Variants in ATE1 observed in about 807,000 individuals in gnomAD.
The protein encoded by ATE1 is arginyltransferase 1.
In ATE1, 36 loss-of-function variants were observed where a neutral mutation model predicts 70.5. The observed-to-expected ratio is 0.51, with a 90% CI of 0.39 to 0.67. The LOEUF is 0.67. Among genes scored for constraint, ATE1 ranks in the 30% least tolerant of loss-of-function variants. The probability of loss-of-function intolerance (pLI) is 0.00; values close to 1 mark genes in which losing one functional copy is unlikely to be tolerated. For synonymous variants in ATE1, 232 were observed against 219.3 expected (o/e 1.06, Z -0.51); for missense variants, 593 against 629.5 (o/e 0.94, Z 0.62).
intron 7 of ATE1, among the ~76,000 whole-genome samples, chr10:121,878,159 G>A (rs1387174176): frequency 6.6e-6 from 1 of 152,164 alleles, no homozygotes; most frequent in African/African-American, 2.4e-5. Flanking sequence ...TAAAGGACAG[G>A]CAGAATTAAT....
At chr10:121,829,240 T>C (rs374411824) in intron 10 of ATE1, among the ~76,000 whole-genome samples, 78 of 152,072 alleles carry the variant, frequency 5.1e-4, no homozygotes, top group African/African-American at 1.7e-3. Context: ...CTGGCCAACA[T>C]AGTAAAACCC....
intron 10 of ATE1, among the ~76,000 whole-genome samples, chr10:121,795,519 C>A (rs1300732104): frequency 6.6e-6 from 1 of 152,164 alleles, no homozygotes; most frequent in Non-Finnish European, 1.5e-5. Flanking sequence ...AATGATATTT[C>A]ACTTTTTAAC....
chr10:121,766,339 G>A (rs1431527901), intron 11 of ATE1, among the ~76,000 whole-genome samples: 1 of 152,060 alleles, frequency 6.6e-6, no homozygotes, highest in Non-Finnish European at 1.5e-5. Context: ...CATAAGACAG[G>A]GGGCCTTCCA....
At chr10:121,811,536 G>T (rs1454554423) in intron 10 of ATE1, among the ~76,000 whole-genome samples, 3 of 152,084 alleles carry the variant, frequency 2.0e-5, no homozygotes, top group Non-Finnish European at 4.4e-5. Context: ...ATCTTACTTG[G>T]AATACTAACT....
Position 121,794,970 on chromosome 10 carries a change from G to T in ATE1, c.1258-4681C>A, listed in dbSNP as rs185298378. ...GACCATCAAGAACATTTAGTCGGCT[G>T]GGGGCGGTAGTTCATGCCTGTAATC... On this transcript the variant is annotated intron_variant, in intron 10 of 11. Transcript: ENST00000224652. Among the ~76,000 whole-genome samples the T allele has an allele frequency of 7.2e-3, 1,102 of 152,270 alleles. 2 individuals are homozygous for T. The highest frequency in any genetic ancestry group is 0.016 in the South Asian group (76 of 4,826).
intron 8 of ATE1, 28 bp from the exon 9 acceptor site, chr10:121,841,291 C>T: frequency 7.4e-7 from 1 of 1,346,008 alleles, no homozygotes; most frequent in Non-Finnish European, 9.7e-7. Context: ...CACAAACAGC[C>T]ATTTTTTTAA....
intron 6 of ATE1, among the ~76,000 whole-genome samples, chr10:121,900,635 G>A (rs1342335399): frequency 6.6e-6 from 1 of 152,186 alleles, no homozygotes; most frequent in Non-Finnish European, 1.5e-5. Flanking sequence ...CACTTAAAAT[G>A]TATTAGCAAA....
intron 8 of ATE1, 43 bp from the exon 9 acceptor site, chr10:121,841,306 A>G: frequency 8.0e-7 from 1 of 1,245,086 alleles, no homozygotes; most frequent in Non-Finnish European, 1.0e-6. Context: ...TTTTAATATT[A>G]AAATAATCTT....
At chr10:121,832,258 A>C (rs574679168) in intron 10 of ATE1, among the ~76,000 whole-genome samples, 38 of 152,244 alleles carry the variant, frequency 2.5e-4, no homozygotes, top group Non-Finnish European at 4.8e-4. Flanking sequence ...CCAATGGAGC[A>C]AACTAACCAT....
chr10:121,782,484 C>T (rs900246892), intron 11 of ATE1: 2 of 152,178 alleles, frequency 1.3e-5, no homozygotes, highest in African/African-American at 4.8e-5. Flanking sequence ...AATTTATTGG[C>T]TAAGCAAAGT....
intron 11 of ATE1, among the ~76,000 whole-genome samples, chr10:121,746,296 C>G (rs866804274): frequency 6.6e-6 from 1 of 152,184 alleles, no homozygotes; most frequent in African/African-American, 2.4e-5. Flanking sequence ...GCTAATACTT[C>G]CCCAGTGCCT....
chr10:121,841,090 A>T lies in ATE1; in HGVS notation c.1149T>A (p.Ser383=). The T allele has an allele frequency of 6.4e-7, 1 of 1,558,008 alleles. No individual in the cohort carries two copies. Among genetic ancestry groups the T allele is most frequent in the Non-Finnish European group, 8.7e-7 (1 of 1,146,446 alleles). The stretch of plus-strand genomic sequence containing the variant: ...GCAAAAAGCAATCTTACCGTAGTGC[A>T]GAGTAGACGCCCAAAGACAAAAACG... The part of the protein sequence containing the change: ...DYSFLSLGVY[S]ALREIAFTRQ... Residue 383 remains serine (S), a synonymous_variant, in exon 9 of 12, where the codon TCT becomes TCA. Transcript: ENST00000224652.
At chr10:121,866,169 G>A (rs1397543351) in intron 8 of ATE1, among the ~76,000 whole-genome samples, 1 of 152,190 alleles carries the variant, frequency 6.6e-6, no homozygotes, top group Non-Finnish European at 1.5e-5. Flanking sequence ...GAGCTATGTG[G>A]TGGCAAAGGA....
chr10:121,910,822 G>T, intron 5 of ATE1, 84 bp downstream of exon 5: 1 of 1,569,282 alleles, frequency 6.4e-7, no homozygotes, highest in Non-Finnish European at 8.7e-7. Context: ...TCATCCTTTT[G>T]GCTGATGGAA....
chr10:121,773,799 G>T (rs1054684741), intron 11 of ATE1, among the ~76,000 whole-genome samples: 3 of 152,038 alleles, frequency 2.0e-5, no homozygotes, highest in African/African-American at 7.2e-5. Flanking sequence ...AAAGTATTGT[G>T]ACTAGAAACA....
At chr10:121,748,237 GAT>G (rs1218686086) in intron 11 of ATE1, among the ~76,000 whole-genome samples, 1 of 152,030 alleles carries the variant, frequency 6.6e-6, no homozygotes, top group Non-Finnish European at 1.5e-5. Context: ...TGTGAGATCT[GAT>G]ATGTCATTTT....
intron 4 of ATE1, among the ~76,000 whole-genome samples, chr10:121,912,272 A>G (rs572641165): frequency 6.6e-6 from 1 of 152,252 alleles, no homozygotes; most frequent in East Asian, 1.9e-4. Context: ...CTTTACTCTA[A>G]TGAGTACATC....
intron 10 of ATE1, among the ~76,000 whole-genome samples, chr10:121,821,695 A>G (rs1947803775): frequency 6.6e-6 from 1 of 152,182 alleles, no homozygotes; most frequent in Admixed American, 6.5e-5. Context: ...AGCCTGGCCA[A>G]TATGGGGGAA....
At chr10:121,808,933 T>C (rs552963167) in intron 10 of ATE1, among the ~76,000 whole-genome samples, 1 of 152,250 alleles carries the variant, frequency 6.6e-6, no homozygotes, top group African/African-American at 2.4e-5. Context: ...ACTCTTTTGA[T>C]GTATCTTGCA....
Sources: allele counts gnomAD v4.1 joint callset (sites outside exome capture counted in the v4.1 genomes callset), GRCh38; gene constraint gnomAD v4.1.1; transcripts MANE v1.5; gene names NCBI Gene and HGNC (gene_info 2026-07-23, HGNC 2026-07-21).